Variants in MAGOHB observed in about 807,000 individuals in gnomAD.
The protein encoded by MAGOHB is protein mago nashi homolog 2.
MAGOHB carries 15 observed loss-of-function variants against 20.9 expected under a neutral mutation model. That is an observed-to-expected ratio of 0.72 (90% CI 0.48 to 1.11). The LOEUF (loss-of-function observed/expected upper bound fraction) is 1.11, where lower values mean the gene tolerates loss of function less well. Among genes scored for constraint, MAGOHB ranks in the 50% least tolerant of loss-of-function variants. The pLI, the probability that MAGOHB is intolerant of heterozygous loss-of-function variation, is 0.00. For synonymous variants in MAGOHB, 50 were observed against 57.9 expected, an observed-to-expected ratio of 0.86 and a Z score of 0.62; for missense variants, 162 against 177.6, an observed-to-expected ratio of 0.91 and a Z score of 0.50.
chr12:10,606,357 C>G lies in MAGOHB; in HGVS notation c.365G>C (p.Arg122Pro). ...GTCTTGTACCAAATAGTAAAATACT[C>G]GAAGGCCTTCAGGATCCCTAAAATT... ...VNQSKDPEGLRVFYYLVQDLK... is the reference protein window; with the variant it reads ...VNQSKDPEGLPVFYYLVQDLK... The change falls in exon 5 of 5, where the codon CGA (arginine) becomes CCA (proline). Residue 122 changes from arginine to proline, a missense_variant. Arg to Pro is a moderately radical substitution (Grantham distance 103). Transcript: ENST00000320756. 1 of 1,570,022 alleles carries G rather than the reference C, an allele frequency of 6.4e-7. No homozygotes were observed. Among genetic ancestry groups the G allele is most frequent in the Non-Finnish European group, 8.7e-7 (1 of 1,155,854 alleles).
intron 3 of MAGOHB, chr12:10,609,344 C>A: frequency 2.3e-6 from 1 of 430,234 alleles, no homozygotes; most frequent in Non-Finnish European, 4.6e-6. Flanking sequence ...TGAAATTAGG[C>A]CTTCAGAGTT....
At chr12:10,607,435 G>A (rs1361605844) in intron 4 of MAGOHB, among the ~76,000 whole-genome samples, 1 of 152,152 alleles carries the variant, frequency 6.6e-6, no homozygotes, top group Non-Finnish European at 1.5e-5. Flanking sequence ...GGAAGACATC[G>A]ATAGCTAAAG....
rs753494769 is a variant in MAGOHB, at chr12:10,605,685, CT to C, written c.*589del. On this transcript the variant is annotated 3_prime_UTR_variant, in exon 5 of 5. Coordinates refer to ENST00000320756, the MANE Select transcript of MAGOHB (RefSeq NM_018048.5). Reference sequence around the variant, plus strand: ...AATAAAGACATAATCAAAGATATGCCTAACATGGGGTAGACTGTACTCTTGT... The same window carrying C: ...AATAAAGACATAATCAAAGATATGCCAACATGGGGTAGACTGTACTCTTGT... The C allele has an allele frequency of 6.6e-6, 1 of 152,034 alleles. No homozygotes were observed. The highest frequency in any genetic ancestry group is 1.5e-5 in the Non-Finnish European group (1 of 68,026). 9.4% of individuals were successfully genotyped at this position (152,034 alleles called of 1,614,324 possible).
In MAGOHB at chr12:10,606,320, T is replaced by C; in HGVS notation, c.402A>G (p.Leu134=). The part of the protein sequence containing the change: ...FYYLVQDLKC[L]VFSLIGLHFK... The stretch of plus-strand genomic sequence containing the variant: ...AGTGTAATCCAATAAGACTGAAAAC[T>C]AAACATTTCAAGTCTTGTACCAAAT... Residue 134 remains leucine (L), a synonymous_variant, in exon 5 of 5, where the codon TTA becomes TTG. Coordinates refer to ENST00000320756, the MANE Select transcript of MAGOHB (RefSeq NM_018048.5). 6.3e-7 allele frequency: 1 copy of C among 1,579,906 alleles called. No individual in the cohort carries two copies. Among genetic ancestry groups the C allele is most frequent in the Non-Finnish European group, 8.6e-7 (1 of 1,160,440 alleles).
chr12:10,609,505 A>T, intron 3 of MAGOHB: 1 of 381,054 alleles, frequency 2.6e-6, no homozygotes, highest in East Asian at 6.4e-5. Flanking sequence ...GGCAAAAATA[A>T]ATTTTACATA....
At chr12:10,612,595 A>G (rs981936998) in intron 1 of MAGOHB, 4 of 976,414 alleles carry the variant, frequency 4.1e-6, no homozygotes, top group African/African-American at 3.5e-5. Flanking sequence ...GCCTCCCACC[A>G]AGACAAATCT....
chr12:10,606,201 C>A lies in MAGOHB; in HGVS notation c.*74G>T, dbSNP rs915931544. 3 of 813,210 alleles carry A rather than the reference C, an allele frequency of 3.7e-6. No individual in the cohort carries two copies. Among genetic ancestry groups the A allele is most frequent in the African/African-American group, 3.6e-5 (2 of 55,662 alleles). 50.4% of individuals were successfully genotyped at this position (813,210 alleles called of 1,614,324 possible). A position where few individuals can be genotyped will look rare whatever the true frequency, so the allele number is the denominator to read the frequency against. ...TTTGTTTGCTTCACATTCATAAAAA[C>A]CCCAATACTGTAAATGACAAATAAC... On this transcript the variant is annotated 3_prime_UTR_variant, in exon 5 of 5. Coordinates refer to ENST00000320756, the MANE Select transcript of MAGOHB (RefSeq NM_018048.5).
At chr12:10,613,375 C>T (rs1591667567) in intron 1 of MAGOHB, 64 bp downstream of exon 1, 1 of 1,445,788 alleles carries the variant, frequency 6.9e-7, no homozygotes, top group Non-Finnish European at 9.7e-7. Flanking sequence ...GTACCCTCCA[C>T]ACCACCCGGC....
intron 1 of MAGOHB, chr12:10,613,127 C>G: frequency 2.0e-6 from 1 of 492,866 alleles, no homozygotes; most frequent in Non-Finnish European, 3.5e-6. Flanking sequence ...CACTGGACCA[C>G]CCGCTGGTGG....
chr12:10,602,162 A>T (rs61473048), downstream of MAGOHB, among the ~76,000 whole-genome samples: 6,195 of 152,334 alleles, frequency 0.041, 431 homozygotes, highest in African/African-American at 0.14. Flanking sequence ...AGTGCAGAGC[A>T]CAATTTTTTA....
At chr12:10,612,220 CATA>C (rs1865758685) in intron 1 of MAGOHB, among the ~76,000 whole-genome samples, 1 of 149,462 alleles carries the variant, frequency 6.7e-6, no homozygotes, top group African/African-American at 2.5e-5. Context: ...CATAACATAA[CATA>C]ACATAACATA....
chr12:10,600,363 AATTTTTTCT>A (rs1188550513), downstream of MAGOHB, among the ~76,000 whole-genome samples: 1 of 151,982 alleles, frequency 6.6e-6, no homozygotes, highest in East Asian at 1.9e-4. Context: ...AATTGTTTTC[AATTTTTTCT>A]ATTGTAAAAT....
In MAGOHB at chr12:10,605,118, T is replaced by A. The variant is rs1054629425; in HGVS notation, c.*1157A>T. The A allele has an allele frequency of 6.6e-6, 1 of 152,182 alleles. No individual in the cohort carries two copies. The highest frequency in any genetic ancestry group is 2.4e-5 in the African/African-American group (1 of 41,452). 9.4% of individuals were successfully genotyped at this position (152,182 alleles called of 1,614,324 possible). A position where few individuals can be genotyped will look rare whatever the true frequency, so the allele number is the denominator to read the frequency against. On this transcript the variant is annotated 3_prime_UTR_variant, in exon 5 of 5. Coordinates refer to ENST00000320756, the MANE Select transcript of MAGOHB (RefSeq NM_018048.5). The stretch of plus-strand genomic sequence containing the variant: ...GTTCTCAAGAGTTTTTAATGTTTTA[T>A]CCTTTTCACGTTAGAAAAAAATTGT...
At chr12:10,611,616 C>T (rs959316541) in intron 1 of MAGOHB, among the ~76,000 whole-genome samples, 9 of 151,530 alleles carry the variant, frequency 5.9e-5, no homozygotes, top group African/African-American at 1.7e-4. Context: ...GGCATGGTGG[C>T]CCATGCCTGC....
At position 10,606,307 on chromosome 12, in the gene MAGOHB, T is replaced by G; in HGVS notation, c.415A>C (p.Ile139Leu). The G allele has an allele frequency of 6.4e-7, 1 of 1,569,470 alleles. No homozygotes were observed. Among genetic ancestry groups the G allele is most frequent in the Non-Finnish European group, 8.7e-7 (1 of 1,152,016 alleles). Residue 139 changes from isoleucine to leucine, a missense_variant, in exon 5 of 5, where the codon ATT (isoleucine) becomes CTT (leucine). Coordinates refer to ENST00000320756, the MANE Select transcript of MAGOHB (RefSeq NM_018048.5). ...GGTTTAATCTTGAAGTGTAATCCAA[T>G]AAGACTGAAAACTAAACATTTCAAG... The part of the protein sequence containing the change: ...QDLKCLVFSL[I>L]GLHFKIKPI
At chr12:10,608,599 T>TAAAAAAAAAAAAAAAA (rs200643667) in intron 3 of MAGOHB, 2 of 119,162 alleles carry the variant, frequency 1.7e-5, no homozygotes, top group Non-Finnish European at 3.6e-5. Context: ...TAAGAACTAG[T>TAAAAAAAAAAAAAAAA]AAAAAAAAAA....
intron 1 of MAGOHB, chr12:10,612,911 G>A (rs926385097): frequency 4.7e-5 from 60 of 1,288,978 alleles, no homozygotes; most frequent in Non-Finnish European, 6.0e-5. Flanking sequence ...CGTCCTCTAA[G>A]AAGATCTTCC....
At chr12:10,613,398 C>T (rs770384276) in intron 1 of MAGOHB, 41 bp downstream of exon 1, 1 of 1,575,210 alleles carries the variant, frequency 6.3e-7, no homozygotes, top group East Asian at 2.2e-5. Context: ...CTCGGTCTCG[C>T]TCCCCTTTCC....
At chr12:10,603,542 TA>T (rs1404027954), downstream of MAGOHB, among the ~76,000 whole-genome samples, 2 of 135,826 alleles carry the variant, frequency 1.5e-5, no homozygotes, top group Non-Finnish European at 3.2e-5. Context: ...TATGATGACA[TA>T]ATGGCAAAAA....
Sources: allele counts gnomAD v4.1 joint callset (sites outside exome capture counted in the v4.1 genomes callset), GRCh38; gene constraint gnomAD v4.1.1; transcripts MANE v1.5; gene names NCBI Gene and HGNC (gene_info 2026-07-23, HGNC 2026-07-21).